Variants in LAIR1 observed in about 807,000 individuals in gnomAD.
LAIR1 encodes leukocyte-associated immunoglobulin-like receptor 1.
A neutral mutation model predicts 32.8 loss-of-function variants in LAIR1; 24 were observed. The observed-to-expected ratio is 0.73, with a 90% confidence interval of 0.53 to 1.03. The LOEUF (loss-of-function observed/expected upper bound fraction) is 1.03, where lower values mean the gene tolerates loss of function less well. LAIR1 is among the 50% of genes least tolerant of loss of function. The pLI is 0.00. For missense variants in LAIR1, 355 were observed against 347.5 expected (o/e 1.02, Z -0.17); for synonymous variants, 150 against 140.5 (o/e 1.07, Z -0.48).
chr19:54,362,228 C>G (rs2885686), intron 2 of LAIR1, among the ~76,000 whole-genome samples: 94,964 of 152,020 alleles, frequency 0.62, 30,269 homozygotes, highest in East Asian at 0.75. Context: ...GTGATTAACT[C>G]TAGTCATTGT....
At chr19:54,371,865 T>C (rs2082413395), upstream of LAIR1, among the ~76,000 whole-genome samples, 3 of 151,650 alleles carry the variant, frequency 2.0e-5, no homozygotes, top group East Asian at 1.9e-4. Flanking sequence ...AGTTTTGCCT[T>C]TTCCAGAATG....
chr19:54,369,167 A>T (rs181848346), upstream of LAIR1, among the ~76,000 whole-genome samples: 9 of 151,454 alleles, frequency 5.9e-5, no homozygotes, highest in East Asian at 1.5e-3. Context: ...ACAATAATTA[A>T]CTGACAGGCT....
chr19:54,373,418 A>C (rs181112518), upstream of LAIR1, among the ~76,000 whole-genome samples: 7 of 151,910 alleles, frequency 4.6e-5, no homozygotes, highest in Admixed American at 2.6e-4. Flanking sequence ...CACTCCAGCC[A>C]GGGTGACAGA....
intron 2 of LAIR1, among the ~76,000 whole-genome samples, chr19:54,361,894 A>T (rs948273416): frequency 3.9e-5 from 6 of 151,968 alleles, no homozygotes; most frequent in Non-Finnish European, 7.4e-5. Flanking sequence ...AACCCCATTT[A>T]TCTCAACTGG....
At chr19:54,371,283 G>GTA (rs369139805), upstream of LAIR1, among the ~76,000 whole-genome samples, 47 of 150,414 alleles carry the variant, frequency 3.1e-4, 2 homozygotes, top group African/African-American at 8.4e-4. Flanking sequence ...ATATGTGTGT[G>GTA]TATATATATA....
chr19:54,357,053 A>G, intron 4 of LAIR1, 87 bp from the exon 5 acceptor site: 2 of 1,265,640 alleles, frequency 1.6e-6, no homozygotes, highest in South Asian at 1.3e-5. Context: ...CACTGTGGGG[A>G]TCTCCCTTCA....
At chr19:54,373,353 A>C (rs2082451810), upstream of LAIR1, among the ~76,000 whole-genome samples, 1 of 151,984 alleles carries the variant, frequency 6.6e-6, no homozygotes, top group Non-Finnish European at 1.5e-5. Context: ...CTGAGGCAGG[A>C]AAATGGCATG....
chr19:54,373,341 G>A (rs1569215151), upstream of LAIR1, among the ~76,000 whole-genome samples: 1 of 151,798 alleles, frequency 6.6e-6, no homozygotes, highest in Non-Finnish European at 1.5e-5. Context: ...CTACTTGGGA[G>A]GCTGAGGCAG....
rs1410911797 is a variant in LAIR1, at chr19:54,364,233, A to G, written c.70+62T>C. On this transcript the variant is annotated intron_variant, in intron 2 of 9. Transcript: ENST00000391742. This position sits in a 1 kb window ranked among gnomAD's most constrained non-coding sequence, Gnocchi z 4.8. ...CCCTCTAAGAATCAACATCACTCCC[A>G]CCCAGCACTGCCCTTGGGGTGACAG... The G allele has an allele frequency of 3.9e-6, 6 of 1,543,294 alleles. No homozygotes were observed. In the South Asian group the frequency reaches 5.6e-5, roughly 14 times the overall value.
intron 6 of LAIR1, 32 bp from the exon 7 acceptor site, chr19:54,356,430 CCTT>C (rs1483572588): frequency 1.4e-5 from 23 of 1,608,042 alleles, no homozygotes; most frequent in Middle Eastern, 1.7e-4. Flanking sequence ...ATTAAGGAGA[CCTT>C]CTTCCTAGCC....
At chr19:54,367,733 C>A (rs1387521476), upstream of LAIR1, among the ~76,000 whole-genome samples, 2 of 150,430 alleles carry the variant, frequency 1.3e-5, no homozygotes, top group South Asian at 4.2e-4. Context: ...GTGACAGAGC[C>A]AGACTCCATC....
Position 54,355,839 on chromosome 19 carries a change from A to G in LAIR1, c.717+115T>C, listed in dbSNP as rs570208941. ...GACCTCTCGACAGCAACCTCAGGAC[A>G]GGCCGTGAGCCGGAACCGCCCAGCT... On this transcript the variant is annotated intron_variant, in intron 9 of 9. Transcript: ENST00000391742. This position sits in a 1 kb window ranked among gnomAD's most constrained non-coding sequence, Gnocchi z 4.7. 1 of 745,902 alleles carries G rather than the reference A, an allele frequency of 1.3e-6. No homozygotes were observed. The highest frequency in any genetic ancestry group is 1.7e-5 in the African/African-American group (1 of 58,752). 46.2% of individuals were successfully genotyped at this position (745,902 alleles called of 1,614,324 possible). A position where few individuals can be genotyped will look rare whatever the true frequency, so the allele number is the denominator to read the frequency against.
At position 54,361,130 on chromosome 19, in the gene LAIR1, C is replaced by G. The variant is rs761129919; in HGVS notation, c.150G>C (p.Arg50=). ...PLGSHVTFVC[R]GPVGVQTFRL... is the part of the protein sequence containing the mutation. ...GGAATGTTTGAACCCCAACCGGGCC[C>G]CGGCACACGAAAGTCACATGGCTCC... The change falls in exon 3 of 10, where the codon CGG becomes CGC. Residue 50 remains arginine, a synonymous_variant. Coordinates refer to ENST00000391742, the MANE Select transcript of LAIR1 (RefSeq NM_002287.6). 1.2e-5 allele frequency: 20 copies of G among 1,614,186 alleles called. No individual in the cohort carries two copies. The highest frequency in any genetic ancestry group is 1.6e-5 in the Non-Finnish European group (19 of 1,180,030).
chr19:54,356,719 T>C (rs907780232), intron 5 of LAIR1, 100 bp from the exon 6 acceptor site: 8 of 1,281,104 alleles, frequency 6.2e-6, no homozygotes, highest in Non-Finnish European at 8.9e-6. Flanking sequence ...TACTAATATA[T>C]AAAATATCTT....
intron 3 of LAIR1, chr19:54,360,660 T>C (rs2081967247): frequency 3.6e-6 from 2 of 553,230 alleles, no homozygotes; most frequent in South Asian, 5.1e-5. Flanking sequence ...CAGAGCCAGC[T>C]CTGAGCCCAC....
rs559968360 is a variant in LAIR1 at position 54,355,091 on chromosome 19, C to G, written c.*177G>C. ...ATTGTAGAAGGGACCACCTGGCTAA[C>G]GAACCTTCTGGATGCTGGTTAGAAA... On this transcript the variant is annotated 3_prime_UTR_variant, in exon 10 of 10. Transcript: ENST00000391742. This position sits in a 1 kb window ranked among gnomAD's most constrained non-coding sequence, Gnocchi z 4.7. 2 of 598,738 alleles carry G rather than the reference C, an allele frequency of 3.3e-6. No homozygotes were observed. The highest frequency in any genetic ancestry group is 5.9e-6 in the Non-Finnish European group (2 of 341,866). 37.1% of individuals were successfully genotyped at this position (598,738 alleles called of 1,614,324 possible).
At chr19:54,375,170 T>G (rs1355247887), upstream of LAIR1, among the ~76,000 whole-genome samples, 2 of 152,226 alleles carry the variant, frequency 1.3e-5, no homozygotes, top group South Asian at 4.1e-4. Flanking sequence ...TCATCTCTGC[T>G]CCCTCTTCGA....
chr19:54,362,516 G>C (rs555446765), intron 2 of LAIR1, among the ~76,000 whole-genome samples: 5 of 152,296 alleles, frequency 3.3e-5, no homozygotes, highest in African/African-American at 1.2e-4. Flanking sequence ...ACAGAGTCTT[G>C]CTCTGTCACC....
intron 2 of LAIR1, among the ~76,000 whole-genome samples, chr19:54,362,734 C>T (rs1276131571): frequency 6.6e-6 from 1 of 152,260 alleles, no homozygotes; most frequent in East Asian, 1.9e-4. Context: ...GATCCACCCA[C>T]CTCCGCCTCC....
Sources: allele counts gnomAD v4.1 joint callset (sites outside exome capture counted in the v4.1 genomes callset), GRCh38; gene constraint gnomAD v4.1.1; non-coding constraint Gnocchi (gnomAD v3.1); transcripts MANE v1.5; gene names NCBI Gene and HGNC (gene_info 2026-07-23, HGNC 2026-07-21).